The following PTPRM variants were observed in gnomAD, a reference collection of about 807,000 sequenced individuals.
PTPRM encodes the protein receptor-type tyrosine-protein phosphatase mu.
PTPRM carries 47 observed loss-of-function variants against 186.7 expected under a neutral mutation model. That is an observed-to-expected ratio of 0.25 (90% CI 0.20 to 0.32). The LOEUF (loss-of-function observed/expected upper bound fraction) is 0.32, where lower values mean the gene tolerates loss of function less well. Ranked by LOEUF, PTPRM falls within the 10% of genes least tolerant of loss-of-function variation. The probability of loss-of-function intolerance (pLI) is 1.00; values close to 1 mark genes in which losing one functional copy is unlikely to be tolerated. For synonymous variants in PTPRM, 668 were observed against 674.9 expected (o/e 0.99, Z 0.16); for missense variants, 1,494 against 1,865.0 (o/e 0.80, Z 3.66).
chr18:8,173,487 G>A (rs759022793), intron 14 of PTPRM, among the ~76,000 whole-genome samples: 16 of 152,160 alleles, frequency 1.1e-4, no homozygotes, highest in East Asian at 1.9e-4. Context: ...AAGTAAACTC[G>A]TAACTGCCCA....
intron 5 of PTPRM, among the ~76,000 whole-genome samples, chr18:7,937,758 A>AC (rs2051915640): frequency 6.6e-6 from 1 of 152,200 alleles, no homozygotes; most frequent in Non-Finnish European, 1.5e-5. Context: ...CCTAAAAGTG[A>AC]CCAAGGTAGT....
At position 8,259,003 on chromosome 18, in the gene PTPRM, T is replaced by C. The variant is rs779940923; in HGVS notation, c.2754+5589T>C. On this transcript the variant is annotated intron_variant, in intron 19 of 32. Coordinates refer to ENST00000580170, the MANE Select transcript of PTPRM (RefSeq NM_001105244.2). ...TCTTGCTCTGTCACCCAGGCTGGAG[T>C]GCAGTTGCACAATCTCAGCTCACTG... Among the ~76,000 whole-genome samples the C allele has an allele frequency of 7.3e-4, 111 of 152,194 alleles. 1 individual carries two copies. The highest frequency in any genetic ancestry group is 1.3e-3 in the Non-Finnish European group (87 of 68,028).
chr18:7,769,199 C>A (rs2042159234), intron 1 of PTPRM, among the ~76,000 whole-genome samples: 1 of 151,994 alleles, frequency 6.6e-6, no homozygotes, highest in African/African-American at 2.4e-5. Flanking sequence ...AGTTGTGTAT[C>A]TTCTTGGTCT....
intron 1 of PTPRM, among the ~76,000 whole-genome samples, chr18:7,670,226 C>T (rs2039189644): frequency 6.6e-6 from 1 of 151,976 alleles, no homozygotes; most frequent in South Asian, 2.1e-4. Flanking sequence ...TTTATGCTTA[C>T]ACCTCAATTT....
At chr18:8,056,991 T>C (rs965915808) in intron 7 of PTPRM, among the ~76,000 whole-genome samples, 4 of 151,916 alleles carry the variant, frequency 2.6e-5, no homozygotes, top group African/African-American at 9.7e-5. Flanking sequence ...AAGTAAACTG[T>C]ATTTTATTTA....
rs1305685201 is a variant in PTPRM at position 7,668,262 on chromosome 18, TCACAG to T, written c.73+100372_73+100376del. 2.0e-5 allele frequency among the ~76,000 whole-genome samples: 3 copies of T among 152,158 alleles called. No homozygotes were observed. On this transcript the variant is annotated intron_variant, in intron 1 of 32. Coordinates refer to ENST00000580170, the MANE Select transcript of PTPRM (RefSeq NM_001105244.2). The surrounding 1 kb of genome is among the most constrained non-coding windows in gnomAD (Gnocchi z 4.7). ...CCCATGACAGCTCTGGTGTGAATAG[TCACAG>T]TGCCACCATTTTGGGTCCTGGTAAT...
chr18:7,833,932 A>C (rs2045893243), intron 2 of PTPRM, among the ~76,000 whole-genome samples: 1 of 152,116 alleles, frequency 6.6e-6, no homozygotes, highest in Admixed American at 6.6e-5. Flanking sequence ...CTTCCTTTCC[A>C]ATTTGGATGT....
intron 7 of PTPRM, among the ~76,000 whole-genome samples, chr18:8,019,995 G>A (rs1175251090): frequency 1.3e-5 from 2 of 151,740 alleles, no homozygotes; most frequent in African/African-American, 4.8e-5. Flanking sequence ...ACTTCTTTTT[G>A]ATAATCTTAG....
intron 29 of PTPRM, among the ~76,000 whole-genome samples, chr18:8,383,026 G>A (rs889120168): frequency 6.6e-6 from 1 of 152,068 alleles, no homozygotes; most frequent in African/African-American, 2.4e-5. Context: ...GCGGCCAGGC[G>A]CAGTGGCTCA....
chr18:8,247,396 G>C lies in PTPRM; in HGVS notation c.2453-449G>C, dbSNP rs528920385. Reference sequence around the variant, plus strand: ...CATAAAGCATTGTGGAGTATTCTCTGCATATCCAAATATGAGCAAGGAGAG... The same window carrying C: ...CATAAAGCATTGTGGAGTATTCTCTCCATATCCAAATATGAGCAAGGAGAG... On this transcript the variant is annotated intron_variant, in intron 15 of 32. Transcript: ENST00000580170. Among the ~76,000 whole-genome samples, 4 of 152,320 alleles carry C rather than the reference G, an allele frequency of 2.6e-5. No homozygotes were observed. In the South Asian group the frequency reaches 8.3e-4, roughly 32 times the overall value.
intron 13 of PTPRM, among the ~76,000 whole-genome samples, chr18:8,122,885 G>A (rs1435343380): frequency 1.3e-5 from 2 of 152,152 alleles, no homozygotes; most frequent in Non-Finnish European, 2.9e-5. Flanking sequence ...ATAGATCCTT[G>A]TTTCAAAGCA....
intron 7 of PTPRM, among the ~76,000 whole-genome samples, chr18:8,000,035 G>C (rs1476095608): frequency 2.0e-5 from 3 of 152,194 alleles, no homozygotes; most frequent in Non-Finnish European, 4.4e-5. Context: ...TTCAGAAGCG[G>C]TCAGGCAAGG....
intron 14 of PTPRM, among the ~76,000 whole-genome samples, chr18:8,175,254 A>T (rs1018313396): frequency 6.6e-6 from 1 of 152,220 alleles, no homozygotes. Flanking sequence ...AGTCAAGACA[A>T]ATTAATTTGT....
At chr18:7,940,581 G>T (rs902659016) in intron 5 of PTPRM, among the ~76,000 whole-genome samples, 3 of 152,128 alleles carry the variant, frequency 2.0e-5, no homozygotes, top group Non-Finnish European at 1.5e-5. Context: ...GGAAAGAACA[G>T]CCAGGAGTCC....
At position 7,706,617 on chromosome 18, in the gene PTPRM, A is replaced by C. The variant is rs911891498; in HGVS notation, c.74-67532A>C. ...ACCTTGTCTCAAAAAAAAAAAAAAA[A>C]AAAAAAAAAAAAACAACAAAATGTG... On this transcript the variant is annotated intron_variant, in intron 1 of 32. Transcript: ENST00000580170. 1.5e-4 allele frequency among the ~76,000 whole-genome samples: 22 copies of C among 149,558 alleles called. No homozygotes were observed. In the East Asian group the frequency reaches 1.6e-3, roughly 11 times the overall value.
chr18:8,098,439 T>C (rs973423853), intron 11 of PTPRM, among the ~76,000 whole-genome samples: 6 of 152,162 alleles, frequency 3.9e-5, no homozygotes, highest in Non-Finnish European at 1.5e-5. Context: ...ACCTGAAACA[T>C]TTATTACAGA....
rs879227685 is a variant in PTPRM, at chr18:7,867,027, G to GT, written c.197-21073dup. On this transcript the variant is annotated intron_variant, in intron 2 of 32. Transcript: ENST00000580170. ...ATTGCAACCCCTGCTTTTTGTTTTT[G>GT]TTTTTTGCTTTCCTTTTACTTGGAA... Among the ~76,000 whole-genome samples, 3 of 151,478 alleles carry GT rather than the reference G, an allele frequency of 2.0e-5. No individual in the cohort carries two copies. In the East Asian group the frequency reaches 5.8e-4, roughly 29 times the overall value.
chr18:8,056,782 T>C (rs1490781795), intron 7 of PTPRM, among the ~76,000 whole-genome samples: 1 of 151,524 alleles, frequency 6.6e-6, no homozygotes, highest in African/African-American at 2.4e-5. Flanking sequence ...ATCTGAACAT[T>C]GTTTTTCTTT....
Position 8,343,417 on chromosome 18 carries a change from C to T in PTPRM, c.2957-6C>T, listed in dbSNP as rs373161071. 1 of 1,610,258 alleles carries T rather than the reference C, an allele frequency of 6.2e-7. No homozygotes were observed. Among genetic ancestry groups the T allele is most frequent in the Middle Eastern group, 1.7e-4 (1 of 6,044 alleles). On this transcript the variant is annotated splice_polypyrimidine_tract_variant and splice_region_variant and intron_variant, in intron 22 of 32. Coordinates refer to ENST00000580170, the MANE Select transcript of PTPRM (RefSeq NM_001105244.2). ...AACAAAAAGTTTCTGTTGTGTTTTG[C>T]TGCAGGGCCAATGCAGGAAACCATC...
Sources: allele counts gnomAD v4.1 joint callset (sites outside exome capture counted in the v4.1 genomes callset), GRCh38; gene constraint gnomAD v4.1.1; non-coding constraint Gnocchi (gnomAD v3.1); transcripts MANE v1.5; gene names NCBI Gene and HGNC (gene_info 2026-07-23, HGNC 2026-07-21).